The following PRKCA variants were observed in gnomAD, a reference collection of about 807,000 sequenced individuals.
PRKCA encodes the protein protein kinase C alpha.
Under a neutral mutation model 87.0 loss-of-function variants are expected in PRKCA, and 27 were observed. The observed-to-expected ratio is 0.31, with a 90% CI of 0.23 to 0.43. The LOEUF (loss-of-function observed/expected upper bound fraction) is 0.43. PRKCA is among the 20% of genes least tolerant of loss of function. PRKCA has a pLI of 1.00. For missense variants in PRKCA, 518 were observed against 852.3 expected (o/e 0.61, Z 4.88); for synonymous variants, 329 against 311.1 (o/e 1.06, Z -0.61).
At chr17:66,626,936 G>A (rs555087183) in intron 3 of PRKCA, among the ~76,000 whole-genome samples, 7 of 152,194 alleles carry the variant, frequency 4.6e-5, no homozygotes, top group Non-Finnish European at 8.8e-5. Flanking sequence ...AGTATCCACA[G>A]AAATGCACTT....
At chr17:66,329,949 CT>C (rs1906225943) in intron 2 of PRKCA, among the ~76,000 whole-genome samples, 1 of 152,062 alleles carries the variant, frequency 6.6e-6, no homozygotes, top group Non-Finnish European at 1.5e-5. Flanking sequence ...TAGAAAGAAA[CT>C]GATAAAATTG....
intron 2 of PRKCA, among the ~76,000 whole-genome samples, chr17:66,455,930 G>A (rs151090265): frequency 7.4e-4 from 112 of 152,170 alleles, no homozygotes; most frequent in African/African-American, 2.6e-3. Flanking sequence ...CACCTTATTT[G>A]CAAATAGGGT....
intron 13 of PRKCA, among the ~76,000 whole-genome samples, chr17:66,763,989 T>C (rs1347974881): frequency 6.6e-6 from 1 of 152,172 alleles, no homozygotes; most frequent in African/African-American, 2.4e-5. Context: ...CCACCATAGC[T>C]GTCTAGGGAA....
chr17:66,533,524 C>T (rs6504441), intron 3 of PRKCA, among the ~76,000 whole-genome samples: 54,718 of 152,090 alleles, frequency 0.36, 10,000 homozygotes, highest in South Asian at 0.5. Context: ...TGATTTATAA[C>T]GAATGCTGAA....
intron 3 of PRKCA, among the ~76,000 whole-genome samples, chr17:66,585,241 G>C (rs1969557660): frequency 6.6e-6 from 1 of 152,148 alleles, no homozygotes; most frequent in African/African-American, 2.4e-5. Flanking sequence ...CATGTTGCCT[G>C]CTTCTTTATT....
At chr17:66,735,089 G>C (rs6504449) in intron 9 of PRKCA, among the ~76,000 whole-genome samples, 149,621 of 152,322 alleles carry the variant, frequency 0.98, 73,484 homozygotes, top group Middle Eastern at 1. Flanking sequence ...TTTCATAGAC[G>C]CAGGAACTGA....
rs1297438568 is a variant in PRKCA, at chr17:66,790,993, T to G, written c.1854+2014T>G. Reference sequence around the variant, plus strand: ...TCCTGGAGCGCTACTGTTTGCTGGTTTTTTTTTTTTTTAAATTATTATACT... The same window carrying G: ...TCCTGGAGCGCTACTGTTTGCTGGTGTTTTTTTTTTTTAAATTATTATACT... On this transcript the variant is annotated intron_variant, in intron 16 of 16. Transcript: ENST00000413366. Among the ~76,000 whole-genome samples, 5 of 112,332 alleles carry G rather than the reference T, an allele frequency of 4.5e-5. No individual in the cohort carries two copies. The East Asian group carries it at 1.4e-3, about 32-fold the overall frequency. 73.7% of individuals were successfully genotyped at this position (112,332 alleles called of 152,430 possible).
chr17:66,373,257 A>G (rs757474891), intron 2 of PRKCA, among the ~76,000 whole-genome samples: 1 of 152,220 alleles, frequency 6.6e-6, no homozygotes, highest in Non-Finnish European at 1.5e-5. Flanking sequence ...TTTACTGAGT[A>G]CTTGCTATGT....
At chr17:66,404,737 T>G (rs1598643903) in intron 2 of PRKCA, among the ~76,000 whole-genome samples, 1 of 140,868 alleles carries the variant, frequency 7.1e-6, no homozygotes, top group African/African-American at 2.7e-5. Flanking sequence ...GAAAGGATGG[T>G]AGGCCTTTTT....
intron 3 of PRKCA, among the ~76,000 whole-genome samples, chr17:66,579,370 C>T (rs753704270): frequency 1.3e-5 from 2 of 152,096 alleles, no homozygotes; most frequent in Non-Finnish European, 2.9e-5. Flanking sequence ...GTTTCCGGAA[C>T]CTGCGATCAA....
chr17:66,442,092 T>C (rs1913798080), intron 2 of PRKCA, among the ~76,000 whole-genome samples: 1 of 151,798 alleles, frequency 6.6e-6, no homozygotes, highest in South Asian at 2.1e-4. Context: ...AGATGGAGTC[T>C]CGCTCTGTTG....
At chr17:66,303,795 T>C (rs4536509) in intron 1 of PRKCA, among the ~76,000 whole-genome samples, 147,179 of 152,210 alleles carry the variant, frequency 0.97, 71,164 homozygotes, top group East Asian at 1. Context: ...CTAAGGTCAG[T>C]AGTTCGAGAC....
At chr17:66,474,613 G>A (rs1204319364) in intron 2 of PRKCA, among the ~76,000 whole-genome samples, 1 of 152,202 alleles carries the variant, frequency 6.6e-6, no homozygotes. Flanking sequence ...ATGTGCTGCA[G>A]ATATTGCACT....
rs748732162 is a variant in PRKCA at position 66,688,991 on chromosome 17, G to A, written c.862G>A (p.Val288Ile). The A allele has an allele frequency of 5.6e-6, 9 of 1,606,726 alleles. No individual in the cohort carries two copies. Among genetic ancestry groups the A allele is most frequent in the Admixed American group, 1.7e-5 (1 of 58,884 alleles). The change falls in exon 8 of 17, where the codon GTA becomes ATA. Residue 288 changes from valine to isoleucine, a missense_variant. This residue lies in a region of PRKCA where 300 missense variants were observed against 496.8 expected (regional missense o/e 0.60). Coordinates refer to ENST00000413366, the MANE Select transcript of PRKCA (RefSeq NM_002737.3). ...LNQEEGEYYN[V>I]PIPEGDEEGN... ...CCAAGAAGAAGGTGAGTACTACAAC[G>A]TACCCATTCCGGAAGGGGACGAGGA... is the stretch of plus-strand genomic sequence containing the variant.
At chr17:66,652,045 G>A (rs9899074) in intron 5 of PRKCA, among the ~76,000 whole-genome samples, 1 of 151,936 alleles carries the variant, frequency 6.6e-6, no homozygotes. Flanking sequence ...TGCAACCTCC[G>A]CCTCCTGGAT....
intron 2 of PRKCA, among the ~76,000 whole-genome samples, chr17:66,350,003 AAGG>A (rs930484265): frequency 2.6e-5 from 4 of 152,016 alleles, no homozygotes; most frequent in Admixed American, 2.0e-4. Context: ...TGTGTGGGGA[AAGG>A]AGAGAGGGGG....
chr17:66,451,137 A>G (rs1274891602), intron 2 of PRKCA, among the ~76,000 whole-genome samples: 1 of 152,226 alleles, frequency 6.6e-6, no homozygotes, highest in Non-Finnish European at 1.5e-5. Flanking sequence ...TTAATTTAAA[A>G]TGATGAAATT....
At position 66,803,893 on chromosome 17, in the gene PRKCA, C is replaced by T; in HGVS notation, c.1875C>T (p.Asn625=). ...CACAGTGTGGCAAAGGAGCAGAGAA[C>T]TTTGACAAGTTCTTCACACGAGGAC... ...KPKVCGKGAE[N]FDKFFTRGQP... Residue 625 remains asparagine, a synonymous_variant, in exon 17 of 17, where the codon AAC becomes AAT. Transcript: ENST00000413366. This position sits in a 1 kb window ranked among gnomAD's most constrained non-coding sequence, Gnocchi z 4.4. The T allele has an allele frequency of 6.2e-7, 1 of 1,613,856 alleles. No individual in the cohort carries two copies. Among genetic ancestry groups the T allele is most frequent in the Non-Finnish European group, 8.5e-7 (1 of 1,179,846 alleles).
At chr17:66,642,222 C>T (rs745878481) in intron 4 of PRKCA, among the ~76,000 whole-genome samples, 2 of 151,974 alleles carry the variant, frequency 1.3e-5, no homozygotes, top group Non-Finnish European at 2.9e-5. Flanking sequence ...CTCCACCTCC[C>T]GAGTTCACAC....
Sources: gnomAD v4.1 joint callset for allele counts (sites outside exome capture counted in the v4.1 genomes callset) on GRCh38, gnomAD v4.1.1 for gene constraint, gnomAD v4.1.1 regional missense constraint, Gnocchi (gnomAD v3.1) non-coding constraint, MANE v1.5 for transcripts, NCBI Gene and HGNC (gene_info 2026-07-23, HGNC 2026-07-21) for gene names.